FN1: variants seen among roughly 807,000 people sequenced by gnomAD.
The protein encoded by FN1 is fibronectin 1.
FN1 carries 106 observed loss-of-function variants against 297.3 expected under a neutral mutation model. The ratio of observed to expected loss-of-function variants is 0.36; its 90% CI spans 0.30 to 0.42. The LOEUF is 0.42. Among genes scored for constraint, FN1 ranks in the 10% least tolerant of loss-of-function variants. The pLI is 1.00. For missense variants in FN1, 2,690 were observed against 3,124.9 expected, an observed-to-expected ratio of 0.86 and a Z score of 3.32; for synonymous variants, 1,149 against 1,152.6, an observed-to-expected ratio of 1.00 and a Z score of 0.06.
rs564795973 is a variant in FN1 at position 215,372,362 on chromosome 2, T to C, written c.6261A>G (p.Gln2087=). ...GATTGGGGTGTGGAAGGGTTACCAGTTGGGGAAGCTCGTCTAGCCGAGAGA... is the reference window on the plus strand; with the variant it reads ...GATTGGGGTGTGGAAGGGTTACCAGCTGGGGAAGCTCGTCTAGCCGAGAGA... ...IGRKKTDELP[Q]LVTLPHPNLH... is the part of the protein sequence containing the mutation. The change falls in exon 40 of 46, where the codon CAA becomes CAG. Residue 2087 remains glutamine (Q), a synonymous_variant. Coordinates refer to ENST00000354785, the MANE Select transcript of FN1 (RefSeq NM_212482.4). 2.2e-5 allele frequency: 36 copies of C among 1,614,044 alleles called. No homozygotes were observed. In the East Asian group the frequency reaches 4.2e-4, roughly 19 times the overall value.
chr2:215,393,431 T>TAC (rs995406168), intron 24 of FN1: 5 of 177,520 alleles, frequency 2.8e-5, no homozygotes, highest in African/African-American at 1.2e-4. Flanking sequence ...TTAGGGAATA[T>TAC]ATATATATAT....
Position 215,431,910 on chromosome 2 carries a change from G to A in FN1, c.470C>T (p.Pro157Leu), listed in dbSNP as rs1187746379. The A allele has an allele frequency of 5.0e-6, 8 of 1,613,662 alleles. No homozygotes were observed. The highest frequency in any genetic ancestry group is 1.7e-5 in the Admixed American group (1 of 59,992). Residue 157 changes from proline to leucine, a missense_variant, in exon 4 of 46, where the codon CCA becomes CTA. By Grantham distance (98) the Pro-to-Leu change is moderately conservative. Coordinates refer to ENST00000354785, the MANE Select transcript of FN1 (RefSeq NM_212482.4). Reference sequence around the variant, plus strand: ...TAACATGTAACCACCAGTCTCATGTGGTCTCCTCCAGGTGTCACCAATCTT... The same window carrying A: ...TAACATGTAACCACCAGTCTCATGTAGTCTCCTCCAGGTGTCACCAATCTT... ...SYKIGDTWRR[P>L]HETGGYMLEC...
rs1575156750 is a variant in FN1 at position 215,363,114 on chromosome 2, G to A, written c.7252-1035C>T. ...CCCCTTAATACCTAACACAATACCA[G>A]TGACTACCTCCTTACAGAATCACTG... On this transcript the variant is annotated intron_variant, in intron 44 of 45. Transcript: ENST00000354785. 3.3e-5 allele frequency: 5 copies of A among 152,228 alleles called. 1 individual carries two copies. In the South Asian group the frequency reaches 1.0e-3, roughly 32 times the overall value. 9.4% of individuals were successfully genotyped at this position (152,228 alleles called of 1,614,324 possible). A position where few individuals can be genotyped will look rare whatever the true frequency, so the allele number is the denominator to read the frequency against.
chr2:215,373,475 C>G, intron 38 of FN1, 64 bp from the exon 39 acceptor site: 1 of 1,370,332 alleles, frequency 7.3e-7, no homozygotes, highest in South Asian at 1.2e-5. Context: ...GGAAGTCGGT[C>G]TCACCAGCAG....
intron 28 of FN1, among the ~76,000 whole-genome samples, chr2:215,386,046 G>A (rs1575428757): frequency 6.7e-6 from 1 of 148,274 alleles, no homozygotes; most frequent in Admixed American, 6.8e-5. Flanking sequence ...AAAGTGCTGG[G>A]ATTACAAGCG....
In FN1 at chr2:215,376,085, A is replaced by G. The variant is rs371277089; in HGVS notation, c.5888-367T>C. ...AATCACAATTTTAAAAAGCTAAAAA[A>G]GACCTCAGATATTGAATATTCTTCG... On this transcript the variant is annotated intron_variant, in intron 36 of 45. Coordinates refer to ENST00000354785, the MANE Select transcript of FN1 (RefSeq NM_212482.4). 1.6e-4 allele frequency among the ~76,000 whole-genome samples: 24 copies of G among 152,352 alleles called. No homozygotes were observed. In the East Asian group the frequency reaches 4.2e-3, roughly 27 times the overall value.
chr2:215,386,243 A>AT (rs1276982501), intron 28 of FN1, among the ~76,000 whole-genome samples: 3 of 150,604 alleles, frequency 2.0e-5, no homozygotes, highest in Non-Finnish European at 4.4e-5. Context: ...CACCTTGCTA[A>AT]TTTTTGTATA....
At chr2:215,383,774 ACT>A (rs1427411666) in intron 30 of FN1, among the ~76,000 whole-genome samples, 2 of 151,894 alleles carry the variant, frequency 1.3e-5, no homozygotes, top group South Asian at 2.1e-4. Context: ...CTTACTGAAC[ACT>A]CTCTATGCCT....
rs757388258 is a variant in FN1 at position 215,404,645 on chromosome 2, A to G, written c.2997T>C (p.Ala999=). ...CATTGACAAACTGGAGGTTAGTGGG[A>G]GCATCCAGTTCTAGGAAAAAAGATG... ...LTAQQTTKLD[A]PTNLQFVNET... is the part of the protein sequence containing the mutation. Residue 999 remains alanine, a synonymous_variant, in exon 20 of 46, where the codon GCT becomes GCC. Transcript: ENST00000354785. 5.6e-6 allele frequency: 9 copies of G among 1,613,688 alleles called. No homozygotes were observed. The highest frequency in any genetic ancestry group is 6.8e-6 in the Non-Finnish European group (8 of 1,179,700).
chr2:215,362,005 G>A lies in FN1; in HGVS notation c.7326C>T (p.Asn2442=). ...SPEGTTGQSY[N]QYSQRYHQRT... ...TCTGATGGTATCTCTGAGAATACTG[G>A]TTGTAGGACTGGCCAGTAGTGCCTT... Residue 2442 remains asparagine (N), a synonymous_variant, in exon 45 of 46, where the codon AAC becomes AAT. Coordinates refer to ENST00000354785, the MANE Select transcript of FN1 (RefSeq NM_212482.4). The A allele has an allele frequency of 3.1e-6, 5 of 1,614,096 alleles. No homozygotes were observed. The highest frequency in any genetic ancestry group is 4.2e-6 in the Non-Finnish European group (5 of 1,179,998).
intron 9 of FN1, 21 bp downstream of exon 9, chr2:215,423,329 C>G (rs1311741415): frequency 6.8e-6 from 11 of 1,613,106 alleles, no homozygotes; most frequent in Non-Finnish European, 9.3e-6. Context: ...AACAAGACAA[C>G]CCACAAGGGC....
chr2:215,428,154 C>G (rs1264325696), intron 6 of FN1, 26 bp downstream of exon 6: 1 of 1,613,234 alleles, frequency 6.2e-7, no homozygotes, highest in Non-Finnish European at 8.5e-7. Flanking sequence ...TCCCCATTTC[C>G]CGCCCCTGCT....
At chr2:215,389,713 C>G (rs1030606096) in intron 26 of FN1, among the ~76,000 whole-genome samples, 2 of 152,250 alleles carry the variant, frequency 1.3e-5, no homozygotes, top group Admixed American at 1.3e-4. Flanking sequence ...TCACTTGAGC[C>G]TTGGTGGTGG....
intron 22 of FN1, 21 bp from the exon 23 acceptor site, chr2:215,397,244 A>G: frequency 6.4e-7 from 1 of 1,574,710 alleles, no homozygotes; most frequent in East Asian, 2.2e-5. Context: ...AGAACATTTT[A>G]AAAGTCAAAG....
In FN1 at chr2:215,379,303, T is replaced by C. The variant is rs781500086; in HGVS notation, c.5449A>G (p.Thr1817Ala). 5 of 1,613,880 alleles carry C rather than the reference T, an allele frequency of 3.1e-6. No homozygotes were observed. In the Admixed American group the frequency reaches 6.7e-5, roughly 22 times the overall value. ...GTGACCTGAGTGAACTTCAGGTCAG[T>C]TGGTGCAGGAATAGCTGTCGAGATT... ...GTQSTAIPAPTDLKFTQVTPT... is the reference protein window; with the variant it reads ...GTQSTAIPAPADLKFTQVTPT... Residue 1817 changes from threonine (T) to alanine (A), a missense_variant, in exon 34 of 46, where the codon ACT becomes GCT. Transcript: ENST00000354785.
In FN1 at chr2:215,428,280, C is replaced by G; in HGVS notation, c.744G>C (p.Lys248Asn). 6.2e-7 allele frequency: 1 copy of G among 1,614,210 alleles called. No individual in the cohort carries two copies. The highest frequency in any genetic ancestry group is 2.2e-5 in the East Asian group (1 of 44,890). Residue 248 changes from lysine to asparagine, a missense_variant, in exon 6 of 46, where the codon AAG (lysine) becomes AAC (asparagine). Lys to Asn is a moderately conservative substitution (Grantham distance 94, BLOSUM62 0). Transcript: ENST00000354785. ...TSYRIGDTWS[K>N]KDNRGNLLQC... ...GGAGCAGGTTTCCTCGATTATCCTTCTTGCTCCAGGTGTCTCCAATTCTAT... is the reference window on the plus strand; with the variant it reads ...GGAGCAGGTTTCCTCGATTATCCTTGTTGCTCCAGGTGTCTCCAATTCTAT...
chr2:215,379,882 G>T (rs1212296108), intron 33 of FN1: 1 of 155,174 alleles, frequency 6.4e-6, no homozygotes, highest in East Asian at 1.9e-4. Context: ...TTTTTGTAGA[G>T]ACGGGGTCTC....
At chr2:215,424,434 G>A in intron 7 of FN1, 109 bp from the exon 8 acceptor site, 1 of 843,586 alleles carries the variant, frequency 1.2e-6, no homozygotes, top group Admixed American at 2.0e-5. Flanking sequence ...CTCAAAGGAA[G>A]AAGCTATGAG....
chr2:215,408,502 T>C lies in FN1; in HGVS notation c.2300-76A>G. ...ATGACTCTACAGCTTATAAGAAGGA[T>C]ATTTTAAGAATTATATATTCATAGG... is the stretch of plus-strand genomic sequence containing the variant. On this transcript the variant is annotated intron_variant, in intron 15 of 45. Coordinates refer to ENST00000354785, the MANE Select transcript of FN1 (RefSeq NM_212482.4). 1.3e-5 allele frequency: 18 copies of C among 1,423,004 alleles called. No homozygotes were observed. In the South Asian group the frequency reaches 2.0e-4, roughly 16 times the overall value. 88.1% of individuals were successfully genotyped at this position (1,423,004 alleles called of 1,614,324 possible).
Sources: gnomAD v4.1 joint callset for allele counts (sites outside exome capture counted in the v4.1 genomes callset) on GRCh38, gnomAD v4.1.1 for gene constraint, MANE v1.5 for transcripts, NCBI Gene and HGNC (gene_info 2026-07-23, HGNC 2026-07-21) for gene names.